The following IGFL2 variants were observed in gnomAD, a reference collection of about 807,000 sequenced individuals.
IGFL2 encodes the protein IGF like family member 2, also known as insulin growth factor-like family member 2.
IGFL2 carries 7 observed loss-of-function variants against 13.9 expected under a neutral mutation model. The ratio of observed to expected loss-of-function variants is 0.51; its 90% CI spans 0.29 to 0.95. The LOEUF (loss-of-function observed/expected upper bound fraction) is 0.95, where lower values mean the gene tolerates loss of function less well. IGFL2 is among the 40% of genes least tolerant of loss of function. The pLI, the probability that IGFL2 is intolerant of heterozygous loss-of-function variation, is 0.08. For missense variants in IGFL2, 138 were observed against 147.8 expected, an observed-to-expected ratio of 0.93 and a Z score of 0.34; for synonymous variants, 55 against 55.8, an observed-to-expected ratio of 0.99 and a Z score of 0.07.
At chr19:46,184,589 C>G in the IGFL2 span, among the ~76,000 whole-genome samples, 1 of 151,594 alleles carries the variant, frequency 6.6e-6, no homozygotes, top group Non-Finnish European at 1.5e-5. Context: ...CCCTGCAAAG[C>G]CTTTTTTTAT....
chr19:46,096,425 G>A, the IGFL2 span, among the ~76,000 whole-genome samples: 1 of 152,108 alleles, frequency 6.6e-6, no homozygotes. Flanking sequence ...TTTGGGCTGA[G>A]ACAATGGGGT....
At chr19:46,124,606 G>A in the IGFL2 span, 18 of 1,601,554 alleles carry the variant, frequency 1.1e-5, no homozygotes, top group Non-Finnish European at 1.5e-5. Context: ...ATGATGTTTG[G>A]ATTTGGGGTC....
chr19:46,197,234 A>T, the IGFL2 span: 1 of 199,858 alleles, frequency 5.0e-6, no homozygotes, highest in Admixed American at 5.3e-5. Context: ...GTGAAGATGA[A>T]AGGCCAGAAG....
At chr19:46,082,629 ATTT>A in the IGFL2 span, among the ~76,000 whole-genome samples, 2 of 142,268 alleles carry the variant, frequency 1.4e-5, no homozygotes, top group Non-Finnish European at 1.5e-5. Flanking sequence ...CTGTGTCTCC[ATTT>A]TTTTTTTTTT....
chr19:46,160,074 T>C (rs149421761), intron 1 of IGFL2: 8 of 315,204 alleles, frequency 2.5e-5, no homozygotes, highest in African/African-American at 1.5e-4. Context: ...CTCAGCTTCC[T>C]TCCTCCTTCC....
At chr19:46,194,852 ATTTTTTTTTTTTTTTTTT>A in the IGFL2 span, among the ~76,000 whole-genome samples, 3 of 31,596 alleles carry the variant, frequency 9.5e-5, no homozygotes, top group East Asian at 3.2e-3. Flanking sequence ...ATATATATAT[ATTTTTTTTTTTTTTTTTT>A]TTTTTTTTTT....
the IGFL2 span, chr19:46,212,415 G>C: frequency 6.6e-6 from 1 of 152,244 alleles, no homozygotes; most frequent in Non-Finnish European, 1.5e-5. Context: ...AGAATGGCTT[G>C]TCCATACCAG....
chr19:46,149,431 G>A lies in IGFL2; in HGVS notation c.19+1134G>A, dbSNP rs181966239. The stretch of plus-strand genomic sequence containing the variant: ...CTTCTCTTCCTTCCTCTCTCAAGTT[G>A]AAGGAAGAGTAGCTCAGTCATCTTC... On this transcript the variant is annotated intron_variant, in intron 1 of 3. Coordinates refer to ENST00000377693, the MANE Select transcript of IGFL2 (RefSeq NM_001135113.2). Among the ~76,000 whole-genome samples the A allele has an allele frequency of 4.0e-5, 6 of 148,590 alleles. No individual in the cohort carries two copies. In the East Asian group the frequency reaches 1.0e-3, roughly 25 times the overall value.
chr19:46,134,021 T>C, the IGFL2 span, among the ~76,000 whole-genome samples: 1 of 152,092 alleles, frequency 6.6e-6, no homozygotes, highest in Non-Finnish European at 1.5e-5. Flanking sequence ...GGAATTGACA[T>C]CAGGGGTAGG....
chr19:46,105,457 G>T, the IGFL2 span, among the ~76,000 whole-genome samples: 2 of 152,164 alleles, frequency 1.3e-5, no homozygotes, highest in Non-Finnish European at 2.9e-5. Flanking sequence ...TGTGATCAGG[G>T]TGAGGAACAG....
upstream of IGFL2, among the ~76,000 whole-genome samples, chr19:46,141,696 A>G (rs1054089719): frequency 1.3e-5 from 2 of 152,068 alleles, no homozygotes; most frequent in Non-Finnish European, 2.9e-5. Context: ...AGTTCCCTTC[A>G]GGGTTTCTCC....
At chr19:46,095,865 T>C in the IGFL2 span, among the ~76,000 whole-genome samples, 1 of 152,116 alleles carries the variant, frequency 6.6e-6, no homozygotes, top group Admixed American at 6.5e-5. Context: ...ATTTTTGAGA[T>C]CTCTATTCTG....
At chr19:46,106,124 G>A in the IGFL2 span, among the ~76,000 whole-genome samples, 2 of 152,218 alleles carry the variant, frequency 1.3e-5, no homozygotes, top group Admixed American at 6.5e-5. Flanking sequence ...AGGGGTTGGG[G>A]TTTGGGAGAT....
chr19:46,192,641 G>A, the IGFL2 span, among the ~76,000 whole-genome samples: 7 of 151,940 alleles, frequency 4.6e-5, no homozygotes, highest in South Asian at 4.2e-4. Flanking sequence ...GGCTAGTCTC[G>A]AACTCCTGAT....
chr19:46,088,869 A>G, the IGFL2 span, among the ~76,000 whole-genome samples: 5 of 152,224 alleles, frequency 3.3e-5, no homozygotes, highest in Admixed American at 6.5e-5. Flanking sequence ...AAACAAAACA[A>G]GGATGTCCCA....
At chr19:46,205,447 G>T in the IGFL2 span, among the ~76,000 whole-genome samples, 2 of 152,180 alleles carry the variant, frequency 1.3e-5, no homozygotes, top group Non-Finnish European at 2.9e-5. Context: ...TGCATAATAA[G>T]ATTAGGGTGG....
At chr19:46,195,019 CT>C in the IGFL2 span, 669 of 135,224 alleles carry the variant, frequency 4.9e-3, 3 homozygotes, top group African/African-American at 0.014. Flanking sequence ...CTGACCAAGA[CT>C]TTTTTTTTTT....
upstream of IGFL2, among the ~76,000 whole-genome samples, chr19:46,138,936 A>C (rs1215323677): frequency 6.6e-6 from 1 of 151,528 alleles, no homozygotes; most frequent in African/African-American, 2.4e-5. Context: ...GCTGTTTCCA[A>C]ACCAGACTCT....
intron 1 of IGFL2, among the ~76,000 whole-genome samples, chr19:46,151,117 C>T (rs545509149): frequency 6.6e-4 from 100 of 152,216 alleles, no homozygotes; most frequent in Non-Finnish European, 1.3e-3. Flanking sequence ...CTTCTCTCTA[C>T]TTCTATGAGT....
Sources: gnomAD v4.1 joint callset for allele counts (sites outside exome capture counted in the v4.1 genomes callset) on GRCh38, gnomAD v4.1.1 for gene constraint, MANE v1.5 for transcripts, NCBI Gene and HGNC (gene_info 2026-07-23, HGNC 2026-07-21) for gene names.